UTP6: variants seen among roughly 807,000 people sequenced by gnomAD.
UTP6 encodes the protein UTP6 small subunit processome component, also known as U3 small nucleolar RNA-associated protein 6 homolog.
Under a neutral mutation model 96.5 loss-of-function variants are expected in UTP6, and 60 were observed. That is an observed-to-expected ratio of 0.62 (90% confidence interval 0.51 to 0.77). The LOEUF (loss-of-function observed/expected upper bound fraction) is 0.77. UTP6 is among the 30% of genes least tolerant of loss of function. UTP6 has a pLI of 0.00. For synonymous variants in UTP6, 215 were observed against 240.1 expected, an observed-to-expected ratio of 0.90 and a Z score of 0.96; for missense variants, 637 against 706.5, an observed-to-expected ratio of 0.90 and a Z score of 1.12.
chr17:31,880,370 G>A (rs976857795), intron 11 of UTP6: 22 of 556,204 alleles, frequency 4.0e-5, no homozygotes, highest in African/African-American at 2.7e-4. Flanking sequence ...GCAGTGAGCC[G>A]AAATCGAGCC....
At position 31,892,763 on chromosome 17, in the gene UTP6, G is replaced by A. The variant is rs1380972169; in HGVS notation, c.344C>T (p.Ala115Val). Residue 115 changes from alanine (A) to valine (V), a missense_variant, in exon 5 of 19, where the codon GCT (alanine) becomes GTT (valine). Physicochemically the swap from Ala to Val is moderately conservative, Grantham distance 64. Transcript: ENST00000261708. ...DDVQLWLSYV[A>V]FCKKWATKTR... ...TTTACTCACCCACTTCTTACAAAAA[G>A]CCACATAGGAGAGCCAAAGTTGAAC... 6.2e-7 allele frequency: 1 copy of A among 1,614,128 alleles called. No individual in the cohort carries two copies. Among genetic ancestry groups the A allele is most frequent in the Non-Finnish European group, 8.5e-7 (1 of 1,180,012 alleles).
At chr17:31,883,226 C>A (rs1028847683) in intron 10 of UTP6, among the ~76,000 whole-genome samples, 1 of 151,304 alleles carries the variant, frequency 6.6e-6, no homozygotes, top group Admixed American at 6.6e-5. Flanking sequence ...AATAAAATTA[C>A]CAGCACTCAA....
At position 31,876,168 on chromosome 17, in the gene UTP6, C is replaced by G. The variant is rs186053572; in HGVS notation, c.1126-755G>C. On this transcript the variant is annotated intron_variant, in intron 13 of 18. Coordinates refer to ENST00000261708, the MANE Select transcript of UTP6 (RefSeq NM_018428.3). ...TCTCCTCCCTCAGCCTCCCGAGTAG[C>G]TGGGACGACAGGCGCCCATCGCCAC... Among the ~76,000 whole-genome samples the G allele has an allele frequency of 2.2e-3, 333 of 151,966 alleles. 2 individuals are homozygous for G. Among genetic ancestry groups the G allele is most frequent in the African/African-American group, 7.5e-3 (310 of 41,522 alleles).
chr17:31,895,824 G>A (rs1368714518), intron 2 of UTP6, among the ~76,000 whole-genome samples: 4 of 151,540 alleles, frequency 2.6e-5, no homozygotes, highest in East Asian at 3.9e-4. Flanking sequence ...ATGAGCCACC[G>A]TGCCCGGCCC....
Position 31,886,017 on chromosome 17 carries a change from T to G in UTP6, c.666A>C (p.Ala222=), listed in dbSNP as rs749686967. The G allele has an allele frequency of 1.2e-6, 2 of 1,613,926 alleles. No individual in the cohort carries two copies. Among genetic ancestry groups the G allele is most frequent in the South Asian group, 2.2e-5 (2 of 91,012 alleles). Reference sequence around the variant, plus strand: ...TTACAGAATTTTTGTAGATGATCCATGCCAACTCGCCCTTAAGGATTTCTT... The same window carrying G: ...TTACAGAATTTTTGTAGATGATCCAGGCCAACTCGCCCTTAAGGATTTCTT... The part of the protein sequence containing the change: ...YSEEILKGEL[A]WIIYKNSVSI... The change falls in exon 9 of 19, where the codon GCA becomes GCC. Residue 222 remains alanine, a synonymous_variant. Transcript: ENST00000261708.
chr17:31,875,222 C>T lies in UTP6; in HGVS notation c.1305+12G>A, dbSNP rs1910425679. Reference sequence around the variant, plus strand: ...CCAAATATAATGAATACAAAAGATCCAGCTCACTGACCTGGGGTTTCAGGT... The same window carrying T: ...CCAAATATAATGAATACAAAAGATCTAGCTCACTGACCTGGGGTTTCAGGT... On this transcript the variant is annotated intron_variant, in intron 14 of 18. Coordinates refer to ENST00000261708, the MANE Select transcript of UTP6 (RefSeq NM_018428.3). 6.2e-7 allele frequency: 1 copy of T among 1,613,052 alleles called. No individual in the cohort carries two copies. The highest frequency in any genetic ancestry group is 8.5e-7 in the Non-Finnish European group (1 of 1,179,742).
At chr17:31,863,978 G>A (rs535835142) in intron 18 of UTP6, among the ~76,000 whole-genome samples, 27 of 152,260 alleles carry the variant, frequency 1.8e-4, no homozygotes, top group South Asian at 1.5e-3. Flanking sequence ...TGGGATTACA[G>A]GCGTGAGCCA....
Position 31,878,763 on chromosome 17 carries a change from T to A in UTP6, c.986A>T (p.Tyr329Phe), listed in dbSNP as rs369955695. ...AAATCTTTCCAAGCAAAAGGTGATG[T>A]AACACTTCCACATGGCCTCTGGAAA... ...TLPTEAMWKC[Y>F]ITFCLERFTK... Residue 329 changes from tyrosine to phenylalanine, a missense_variant, in exon 12 of 19, where the codon TAC becomes TTC. Transcript: ENST00000261708. The A allele has an allele frequency of 4.3e-6, 7 of 1,614,078 alleles. No individual in the cohort carries two copies. Among genetic ancestry groups the A allele is most frequent in the African/African-American group, 1.3e-5 (1 of 74,954 alleles).
intron 17 of UTP6, among the ~76,000 whole-genome samples, chr17:31,866,180 AG>A (rs905993202): frequency 6.6e-6 from 1 of 150,818 alleles, no homozygotes; most frequent in African/African-American, 2.4e-5. Flanking sequence ...CCAGCTACTC[AG>A]GAGGCTGAGG....
intron 1 of UTP6, among the ~76,000 whole-genome samples, chr17:31,900,687 T>G (rs1410855639): frequency 4.6e-5 from 7 of 152,230 alleles, no homozygotes; most frequent in Non-Finnish European, 1.0e-4. Flanking sequence ...GTTCTCAACA[T>G]GTAAATTTTT....
At chr17:31,901,422 C>T (rs1567797072) in intron 1 of UTP6, 114 bp downstream of exon 1, 1 of 973,318 alleles carries the variant, frequency 1.0e-6, no homozygotes, top group East Asian at 2.4e-5. Flanking sequence ...TGGGCTTCCA[C>T]CACGTTAGGA....
chr17:31,877,939 C>T (rs898912011), intron 13 of UTP6, among the ~76,000 whole-genome samples: 1 of 150,312 alleles, frequency 6.7e-6, no homozygotes, highest in African/African-American at 2.5e-5. Context: ...TGTGCTCCAG[C>T]CTGGGCAACA....
At chr17:31,872,933 A>C (rs1490332168) in intron 16 of UTP6, among the ~76,000 whole-genome samples, 1 of 151,520 alleles carries the variant, frequency 6.6e-6, no homozygotes. Context: ...AAAACAAAAA[A>C]AAAACAAAAA....
chr17:31,892,107 TGAGGCAGCTATTC>T, intron 6 of UTP6, 140 bp downstream of exon 6: 6 of 688,844 alleles, frequency 8.7e-6, no homozygotes, highest in Admixed American at 2.6e-5. Context: ...GGGTGAACTA[TGAGGCAGCTATTC>T]AGTAAGAAAA....
rs556745461 is a variant in UTP6, at chr17:31,892,093, G to A, written c.424+167C>T. ...TAGGACAGTAACTAGTATATAGTAG[G>A]CAGGGGTGAACTATGAGGCAGCTAT... is the stretch of plus-strand genomic sequence containing the variant. On this transcript the variant is annotated intron_variant, in intron 6 of 18. Transcript: ENST00000261708. 22 of 641,642 alleles carry A rather than the reference G, an allele frequency of 3.4e-5. No homozygotes were observed. In the East Asian group the frequency reaches 4.7e-4, roughly 14 times the overall value. The allele number at this position is 641,642 out of a possible 1,614,324, so 39.7% of individuals were successfully genotyped here. A position where few individuals can be genotyped will look rare whatever the true frequency, so the allele number is the denominator to read the frequency against.
In UTP6 at chr17:31,894,689, G is replaced by A. The variant is rs1212081040; in HGVS notation, c.268C>T (p.His90Tyr). Residue 90 changes from histidine (H) to tyrosine (Y), a missense_variant, in exon 4 of 19, where the codon CAC (histidine) becomes TAC (tyrosine). His to Tyr is a moderately conservative substitution (Grantham distance 83). Transcript: ENST00000261708. ...CGCTGGAAAACACCTTGTACCCGGT[G>A]TACAATAGAATTCTCAATCTCATCC... ...KKDEIENSIV[H>Y]RVQGVFQRAS... 8 of 1,611,516 alleles carry A rather than the reference G, an allele frequency of 5.0e-6. No individual in the cohort carries two copies. Among genetic ancestry groups the A allele is most frequent in the African/African-American group, 1.3e-5 (1 of 74,860 alleles).
rs530865841 is a variant in UTP6 at position 31,894,568 on chromosome 17, G to A, written c.312+77C>T. On this transcript the variant is annotated intron_variant, in intron 4 of 18. Coordinates refer to ENST00000261708, the MANE Select transcript of UTP6 (RefSeq NM_018428.3). ...ATACCCAAGATAAAAATAGAAAACT[G>A]CATTTGAATCCCTAATACAATATGT... 1,108 of 1,013,312 alleles carry A rather than the reference G, an allele frequency of 1.1e-3. 20 individuals carry two copies. The South Asian group carries it at 0.016, about 15-fold the overall frequency. The allele number at this position is 1,013,312 out of a possible 1,614,324, so 62.8% of individuals were successfully genotyped here.
chr17:31,894,662 C>T lies in UTP6; in HGVS notation c.295G>A (p.Ala99Thr), dbSNP rs747717916. ...TCACTCACTTTCCATTTTGCTGAGG[C>T]ACGCTGGAAAACACCTTGTACCCGG... is the stretch of plus-strand genomic sequence containing the variant. ...VHRVQGVFQR[A>T]SAKWKDDVQL... Residue 99 changes from alanine to threonine, a missense_variant, in exon 4 of 19, where the codon GCC (alanine) becomes ACC (threonine). Coordinates refer to ENST00000261708, the MANE Select transcript of UTP6 (RefSeq NM_018428.3). 26 of 1,609,502 alleles carry T rather than the reference C, an allele frequency of 1.6e-5. No individual in the cohort carries two copies. In the South Asian group the frequency reaches 1.9e-4, roughly 12 times the overall value.
At chr17:31,868,406 T>C (rs11650908) in intron 16 of UTP6, among the ~76,000 whole-genome samples, 101,796 of 147,476 alleles carry the variant, frequency 0.69, 37,018 homozygotes, top group East Asian at 0.85. Context: ...CATAGCTCAC[T>C]GCAGCCCTGA....
Sources: allele counts gnomAD v4.1 joint callset (sites outside exome capture counted in the v4.1 genomes callset), GRCh38; gene constraint gnomAD v4.1.1; transcripts MANE v1.5; gene names NCBI Gene and HGNC (gene_info 2026-07-23, HGNC 2026-07-21).